The following MACROD2 variants were observed in gnomAD, a reference collection of about 807,000 sequenced individuals.
MACROD2 encodes mono-ADP ribosylhydrolase 2, also known as ADP-ribose glycohydrolase MACROD2.
A neutral mutation model predicts 70.4 loss-of-function variants in MACROD2; 36 were observed. The observed-to-expected ratio is 0.51, with a 90% confidence interval of 0.39 to 0.68. The LOEUF (loss-of-function observed/expected upper bound fraction) is 0.68, where lower values mean the gene tolerates loss of function less well. Ranked by LOEUF, MACROD2 falls within the 30% of genes least tolerant of loss-of-function variation. The pLI is 0.00. For synonymous variants in MACROD2, 172 were observed against 178.8 expected (o/e 0.96, Z 0.30); for missense variants, 496 against 538.4 (o/e 0.92, Z 0.78).
intron 8 of MACROD2, among the ~76,000 whole-genome samples, chr20:15,836,733 T>C (rs1301030972): frequency 6.6e-6 from 1 of 152,190 alleles, no homozygotes. Context: ...GACTTACCAC[T>C]TTAACATGAT....
chr20:14,640,195 C>T (rs1307348527), intron 4 of MACROD2, among the ~76,000 whole-genome samples: 1 of 152,128 alleles, frequency 6.6e-6, no homozygotes, highest in Non-Finnish European at 1.5e-5. Flanking sequence ...TAAATAACAA[C>T]AGCTAACAAC....
chr20:15,531,739 C>G (rs1479401147), intron 8 of MACROD2, among the ~76,000 whole-genome samples: 1 of 152,040 alleles, frequency 6.6e-6, no homozygotes, highest in African/African-American at 2.4e-5. Flanking sequence ...TTTCTCCTTT[C>G]TTTTTAAATC....
At position 14,214,811 on chromosome 20, in the gene MACROD2, T is replaced by C. The variant is rs187672953; in HGVS notation, c.271+129083T>C. ...ATTGCATCATTCTTATGCTTTTGTG[T>C]CCTCATAGCTTAGCTCCCACATATC... On this transcript the variant is annotated intron_variant, in intron 3 of 17. Transcript: ENST00000684519. Among the ~76,000 whole-genome samples, 699 of 152,074 alleles carry C rather than the reference T, an allele frequency of 4.6e-3. 6 individuals carry two copies. Among genetic ancestry groups the C allele is most frequent in the African/African-American group, 0.016 (660 of 41,488 alleles).
At chr20:15,159,250 G>A (rs1256930803) in intron 5 of MACROD2, among the ~76,000 whole-genome samples, 1 of 152,038 alleles carries the variant, frequency 6.6e-6, no homozygotes. Context: ...GTTGTATAAC[G>A]AAAGTATGAC....
intron 3 of MACROD2, among the ~76,000 whole-genome samples, chr20:14,415,143 G>A (rs2083790253): frequency 1.3e-5 from 2 of 152,052 alleles, no homozygotes; most frequent in African/African-American, 2.4e-5. Flanking sequence ...TGAATGCTTA[G>A]TTTTTAAAAC....
At chr20:14,510,725 G>A (rs1353378147) in intron 4 of MACROD2, among the ~76,000 whole-genome samples, 1 of 151,968 alleles carries the variant, frequency 6.6e-6, no homozygotes, top group Non-Finnish European at 1.5e-5. Flanking sequence ...TCTTCAGGAG[G>A]GCACAAATAG....
At chr20:14,297,920 G>A (rs1212805729) in intron 3 of MACROD2, among the ~76,000 whole-genome samples, 1 of 151,768 alleles carries the variant, frequency 6.6e-6, no homozygotes, top group African/African-American at 2.4e-5. Flanking sequence ...CTAATGCAGT[G>A]GGTAGCTTTC....
At chr20:14,656,900 T>A (rs1286625158) in intron 4 of MACROD2, among the ~76,000 whole-genome samples, 1 of 152,102 alleles carries the variant, frequency 6.6e-6, no homozygotes, top group African/African-American at 2.4e-5. Context: ...AGGCTATAGG[T>A]AAGAGTTAAG....
chr20:14,468,578 T>C (rs1249142878), intron 3 of MACROD2, among the ~76,000 whole-genome samples: 2 of 151,606 alleles, frequency 1.3e-5, no homozygotes. Flanking sequence ...AGTGGCTCGA[T>C]CTTGGCTCAC....
At chr20:15,948,333 G>A (rs1054410988) in intron 12 of MACROD2, among the ~76,000 whole-genome samples, 2 of 120,102 alleles carry the variant, frequency 1.7e-5, no homozygotes, top group Admixed American at 2.3e-4. Context: ...GCCAGCAACA[G>A]CAACCCCCTT....
chr20:14,074,459 G>A (rs2053891357), intron 2 of MACROD2, among the ~76,000 whole-genome samples: 2 of 152,098 alleles, frequency 1.3e-5, no homozygotes, highest in Admixed American at 6.5e-5. Context: ...CTAAACCATT[G>A]CCCTACATGA....
At chr20:15,195,880 C>T (rs1367935842) in intron 5 of MACROD2, among the ~76,000 whole-genome samples, 1 of 152,082 alleles carries the variant, frequency 6.6e-6, no homozygotes, top group Non-Finnish European at 1.5e-5. Context: ...TACATATACA[C>T]CATGGAATAT....
chr20:14,574,050 T>C (rs186282427), intron 4 of MACROD2, among the ~76,000 whole-genome samples: 2 of 152,298 alleles, frequency 1.3e-5, no homozygotes, highest in Admixed American at 6.5e-5. Context: ...CAAGAGGGCC[T>C]GATGCTTTCA....
chr20:14,493,810 C>T, intron 4 of MACROD2: 1 of 194,162 alleles, frequency 5.2e-6, no homozygotes, highest in Non-Finnish European at 1.1e-5. Flanking sequence ...TGCATAGTTA[C>T]AGAGTAACTA....
intron 6 of MACROD2, among the ~76,000 whole-genome samples, chr20:15,275,902 G>A (rs1305722691): frequency 1.3e-5 from 2 of 152,128 alleles, no homozygotes; most frequent in East Asian, 3.9e-4. Flanking sequence ...AACAGAACCC[G>A]ATTTCAGCAT....
chr20:15,685,487 G>A lies in MACROD2; in HGVS notation c.646-177258G>A, dbSNP rs73897809. The stretch of plus-strand genomic sequence containing the variant: ...TTTAGAAGGTTCAGAGGAGAATTGA[G>A]AGGTCATTGAGAGCTGAGATGGAGA... On this transcript the variant is annotated intron_variant, in intron 8 of 17. Coordinates refer to ENST00000684519, the MANE Select transcript of MACROD2 (RefSeq NM_001351661.2). 6.0e-3 allele frequency among the ~76,000 whole-genome samples: 918 copies of A among 152,344 alleles called. 13 individuals carry two copies. Among genetic ancestry groups the A allele is most frequent in the African/African-American group, 0.021 (891 of 41,590 alleles).
At chr20:14,941,502 A>G (rs1255248213) in intron 5 of MACROD2, among the ~76,000 whole-genome samples, 1 of 152,118 alleles carries the variant, frequency 6.6e-6, no homozygotes, top group Non-Finnish European at 1.5e-5. Flanking sequence ...AAATTTCTGC[A>G]CACTTGATGC....
intron 5 of MACROD2, among the ~76,000 whole-genome samples, chr20:14,752,661 A>G (rs1035576550): frequency 2.6e-5 from 4 of 152,120 alleles, no homozygotes; most frequent in African/African-American, 9.7e-5. Context: ...AGGACTTTCC[A>G]TTGAATGGAT....
At position 14,031,020 on chromosome 20, in the gene MACROD2, C is replaced by A. The variant is rs114761927; in HGVS notation, c.163+28616C>A. Among the ~76,000 whole-genome samples, 1,066 of 152,264 alleles carry A rather than the reference C, an allele frequency of 7.0e-3. 12 individuals are homozygous for A. Among genetic ancestry groups the A allele is most frequent in the African/African-American group, 0.024 (995 of 41,532 alleles). On this transcript the variant is annotated intron_variant, in intron 2 of 17. Transcript: ENST00000684519. ...TATCCATGATTTGCTTTTTAGTTCA[C>A]CAGACATAGTGAAGTTAACACTCCT...
Sources: gnomAD v4.1 joint callset for allele counts (sites outside exome capture counted in the v4.1 genomes callset) on GRCh38, gnomAD v4.1.1 for gene constraint, MANE v1.5 for transcripts, NCBI Gene and HGNC (gene_info 2026-07-23, HGNC 2026-07-21) for gene names.